Variants in PIK3C2G observed in about 807,000 individuals in gnomAD.
The protein encoded by PIK3C2G is phosphatidylinositol 3-kinase C2 domain-containing subunit gamma.
Under a neutral mutation model 181.1 loss-of-function variants are expected in PIK3C2G, and 168 were observed. The observed-to-expected ratio is 0.93, with a 90% CI of 0.82 to 1.05. PIK3C2G has a LOEUF of 1.05. Among genes scored for constraint, PIK3C2G ranks in the 50% least tolerant of loss-of-function variants. The pLI is 0.00. For synonymous variants in PIK3C2G, 573 were observed against 592.2 expected (o/e 0.97, Z 0.47); for missense variants, 1,869 against 1,732.8 (o/e 1.08, Z -1.40).
intron 24 of PIK3C2G, among the ~76,000 whole-genome samples, chr12:18,537,784 C>T (rs1035092573): frequency 4.0e-5 from 6 of 151,670 alleles, no homozygotes; most frequent in South Asian, 2.1e-4. Context: ...CACATCTGTT[C>T]GATCATATCA....
chr12:18,500,183 C>G (rs1565452891), intron 22 of PIK3C2G, among the ~76,000 whole-genome samples: 1 of 152,168 alleles, frequency 6.6e-6, no homozygotes, highest in Non-Finnish European at 1.5e-5. Flanking sequence ...GCGCCCAGTG[C>G]TTGCCGGCCG....
chr12:18,566,709 T>C (rs1419406418), intron 28 of PIK3C2G, among the ~76,000 whole-genome samples: 2 of 152,138 alleles, frequency 1.3e-5, no homozygotes, highest in East Asian at 3.9e-4. Context: ...AAGGGACATA[T>C]AAATGAATTT....
At position 18,500,229 on chromosome 12, in the gene PIK3C2G, C is replaced by T. The variant is rs572450723; in HGVS notation, c.3016+2481C>T. Among the ~76,000 whole-genome samples the T allele has an allele frequency of 1.1e-4, 16 of 152,230 alleles. No individual in the cohort carries two copies. The East Asian group carries it at 3.1e-3, about 30-fold the overall frequency. ...CAGGTGGGCGTGGGCTTGGCGGGCC[C>T]CGCACTCGGAGCGGCCGGCCGGCCC... On this transcript the variant is annotated intron_variant, in intron 22 of 32. Transcript: ENST00000538779.
the PIK3C2G span, among the ~76,000 whole-genome samples, chr12:18,689,482 G>A: frequency 1.3e-4 from 20 of 152,260 alleles, no homozygotes; most frequent in African/African-American, 3.4e-4. Context: ...TAGTGTTAGT[G>A]TATTTTATGT....
intron 24 of PIK3C2G, among the ~76,000 whole-genome samples, chr12:18,524,339 A>G (rs1943100667): frequency 6.6e-6 from 1 of 152,184 alleles, no homozygotes; most frequent in Admixed American, 6.5e-5. Flanking sequence ...TAGATTCTGC[A>G]GTCCAAAGGG....
At chr12:18,282,806 A>ATATT in intron 2 of PIK3C2G, 47 bp downstream of exon 2, 1 of 1,233,230 alleles carries the variant, frequency 8.1e-7, no homozygotes, top group Non-Finnish European at 1.1e-6. Context: ...TGAAAGAATC[A>ATATT]TTCAATAATG....
intron 16 of PIK3C2G, among the ~76,000 whole-genome samples, chr12:18,415,973 C>T (rs1945154027): frequency 1.3e-5 from 2 of 152,098 alleles, no homozygotes; most frequent in African/African-American, 4.8e-5. Context: ...GCCGGGCGGG[C>T]GCAGTGGCTT....
At chr12:18,670,970 C>G in the PIK3C2G span, among the ~76,000 whole-genome samples, 4 of 152,036 alleles carry the variant, frequency 2.6e-5, no homozygotes, top group Non-Finnish European at 5.9e-5. Context: ...ATCATGAGGT[C>G]AGGAGTTAGA....
At chr12:18,440,585 C>T (rs1007060573) in intron 18 of PIK3C2G, among the ~76,000 whole-genome samples, 2 of 151,904 alleles carry the variant, frequency 1.3e-5, no homozygotes, top group African/African-American at 4.8e-5. Flanking sequence ...AAGAGGATGC[C>T]AGGAAGAAGT....
At chr12:18,430,004 G>A (rs560892047) in intron 18 of PIK3C2G, among the ~76,000 whole-genome samples, 6 of 152,182 alleles carry the variant, frequency 3.9e-5, no homozygotes, top group South Asian at 2.1e-4. Context: ...GACTTGACCC[G>A]AGATCTCATC....
At chr12:18,422,022 T>C (rs1054931478) in intron 17 of PIK3C2G, among the ~76,000 whole-genome samples, 8 of 152,092 alleles carry the variant, frequency 5.3e-5, no homozygotes, top group Admixed American at 3.9e-4. Context: ...GTTCATCTCA[T>C]GACTCATGGG....
intron 30 of PIK3C2G, among the ~76,000 whole-genome samples, chr12:18,602,938 A>T (rs1009415304): frequency 6.6e-6 from 1 of 152,054 alleles, no homozygotes; most frequent in Non-Finnish European, 1.5e-5. Flanking sequence ...CAGAAAACCA[A>T]CCCTGGTAAT....
At chr12:18,516,306 T>A (rs1041695664) in intron 24 of PIK3C2G, among the ~76,000 whole-genome samples, 3 of 151,416 alleles carry the variant, frequency 2.0e-5, no homozygotes, top group African/African-American at 7.3e-5. Context: ...GTTATCCTGC[T>A]TTCTCCTGCC....
rs529723955 is a variant in PIK3C2G at position 18,371,185 on chromosome 12, A to G, written c.1754A>G (p.Asn585Ser). Residue 585 changes from asparagine to serine, a missense_variant, in exon 13 of 33, where the codon AAT becomes AGT. Coordinates refer to ENST00000538779, the MANE Select transcript of PIK3C2G (RefSeq NM_001288772.2). ...FFLVNWNETI[N>S]FPLEIKSLPR... Reference sequence around the variant, plus strand: ...CTTCTTTCTTTTATTCTCAGGATCAATTTTCCCCTTGAAATAAAGTCACTT... The same window carrying G: ...CTTCTTTCTTTTATTCTCAGGATCAGTTTTCCCCTTGAAATAAAGTCACTT... 1.9e-6 allele frequency: 3 copies of G among 1,605,892 alleles called. No individual in the cohort carries two copies. The Admixed American group carries it at 5.1e-5, about 27-fold the overall frequency.
chr12:18,442,175 T>C (rs1207948598), intron 18 of PIK3C2G, among the ~76,000 whole-genome samples: 1 of 150,094 alleles, frequency 6.7e-6, no homozygotes, highest in Non-Finnish European at 1.5e-5. Context: ...ATGAAAGATA[T>C]ATTGATATGA....
At chr12:18,653,120 A>T (rs966477439), downstream of PIK3C2G, among the ~76,000 whole-genome samples, 1 of 152,088 alleles carries the variant, frequency 6.6e-6, no homozygotes, top group African/African-American at 2.4e-5. Context: ...AAATGAGGTT[A>T]TAGATCATTG....
chr12:18,668,151 C>T, the PIK3C2G span, among the ~76,000 whole-genome samples: 1 of 152,106 alleles, frequency 6.6e-6, no homozygotes, highest in African/African-American at 2.4e-5. Flanking sequence ...CTCATAGGGA[C>T]TAGCAGGTAG....
At chr12:18,501,949 G>A (rs1437112192) in intron 22 of PIK3C2G, among the ~76,000 whole-genome samples, 2 of 152,162 alleles carry the variant, frequency 1.3e-5, no homozygotes, top group Admixed American at 6.5e-5. Context: ...TCTTCAGGAA[G>A]TATTAAATAG....
At chr12:18,424,697 C>T (rs1245585457) in intron 18 of PIK3C2G, 1 of 213,306 alleles carries the variant, frequency 4.7e-6, no homozygotes, top group Non-Finnish European at 1.0e-5. Context: ...CCTGAGAAGG[C>T]TTGTCAGTTG....
Sources: allele counts gnomAD v4.1 joint callset (sites outside exome capture counted in the v4.1 genomes callset), GRCh38; gene constraint gnomAD v4.1.1; transcripts MANE v1.5; gene names NCBI Gene and HGNC (gene_info 2026-07-23, HGNC 2026-07-21).